The following GPD1L variants were observed in gnomAD, a reference collection of about 807,000 sequenced individuals.
The protein encoded by GPD1L is glycerol-3-phosphate dehydrogenase 1-like protein.
A neutral mutation model predicts 32.9 loss-of-function variants in GPD1L; 17 were observed. The observed-to-expected ratio is 0.52, with a 90% confidence interval of 0.35 to 0.78. The LOEUF (loss-of-function observed/expected upper bound fraction) is 0.78, where lower values mean the gene tolerates loss of function less well. Ranked by LOEUF, GPD1L falls within the 30% of genes least tolerant of loss-of-function variation. The pLI, the probability that GPD1L is intolerant of heterozygous loss-of-function variation, is 0.01. For synonymous variants in GPD1L, 187 were observed against 165.9 expected (o/e 1.13, Z -0.98); for missense variants, 361 against 447.8 (o/e 0.81, Z 1.75).
At chr3:32,126,379 C>G (rs1029386825) in intron 1 of GPD1L, among the ~76,000 whole-genome samples, 8 of 152,082 alleles carry the variant, frequency 5.3e-5, no homozygotes, top group African/African-American at 1.7e-4. Context: ...TATTTTTCCA[C>G]TTGGTTTACT....
At chr3:32,142,007 C>G (rs2125487356) in intron 4 of GPD1L, among the ~76,000 whole-genome samples, 1 of 152,150 alleles carries the variant, frequency 6.6e-6, no homozygotes, top group South Asian at 2.1e-4. Context: ...CATGGGTACC[C>G]AATGTTTAGC....
intron 5 of GPD1L, among the ~76,000 whole-genome samples, chr3:32,155,098 A>G (rs995752420): frequency 6.6e-6 from 1 of 152,114 alleles, no homozygotes; most frequent in Non-Finnish European, 1.5e-5. Flanking sequence ...TTGACAACCA[A>G]TTGCAAAGGG....
intron 5 of GPD1L, among the ~76,000 whole-genome samples, chr3:32,157,060 G>A (rs1701002881): frequency 6.6e-6 from 1 of 152,098 alleles, no homozygotes; most frequent in African/African-American, 2.4e-5. Context: ...CAGGAACCTA[G>A]GGGCTCAACT....
chr3:32,122,936 G>A (rs1202798137), intron 1 of GPD1L, among the ~76,000 whole-genome samples: 1 of 152,136 alleles, frequency 6.6e-6, no homozygotes, highest in Non-Finnish European at 1.5e-5. Context: ...ACAGGGTTGT[G>A]TGCCATTACC....
At position 32,117,138 on chromosome 3, in the gene GPD1L, A is replaced by G. The variant is rs185899285; in HGVS notation, c.47+10380A>G. Among the ~76,000 whole-genome samples, 863 of 152,282 alleles carry G rather than the reference A, an allele frequency of 5.7e-3. 9 individuals carry two copies. Among genetic ancestry groups the G allele is most frequent in the African/African-American group, 0.02 (823 of 41,546 alleles). ...GTGTCTTGAAGCCCTTTCCATATCT[A>G]TACATAAAGAACATCTTCATTCTTT... On this transcript the variant is annotated intron_variant, in intron 1 of 7. Transcript: ENST00000282541.
At chr3:32,140,043 G>A (rs577508819) in intron 3 of GPD1L, among the ~76,000 whole-genome samples, 185 bp from the exon 4 acceptor site, 6 of 152,270 alleles carry the variant, frequency 3.9e-5, no homozygotes, top group South Asian at 4.2e-4. Context: ...TTCTTAACAC[G>A]AGTGATGAGT....
In GPD1L at chr3:32,140,278, T is replaced by C. The variant is rs1700723734; in HGVS notation, c.417T>C (p.Arg139=). The C allele has an allele frequency of 1.2e-6, 2 of 1,613,484 alleles. No homozygotes were observed. Among genetic ancestry groups the C allele is most frequent in the Non-Finnish European group, 1.7e-6 (2 of 1,179,446 alleles). The part of the protein sequence containing the change: ...EGLKLISDII[R]EKMGIDISVL... ...TGAAGCTCATTTCTGACATCATCCG[T>C]GAGAAGATGGGTATTGACATCAGTG... The change falls in exon 4 of 8, where the codon CGT becomes CGC. Residue 139 remains arginine (R), a synonymous_variant. Transcript: ENST00000282541.
intron 6 of GPD1L, 54 bp downstream of exon 6, chr3:32,159,163 G>C: frequency 7.3e-7 from 1 of 1,364,880 alleles, no homozygotes; most frequent in Non-Finnish European, 1.0e-6. Flanking sequence ...GAGACTCCTG[G>C]CTTGGGGTGA....
chr3:32,121,655 ATTTC>A (rs1347650679), intron 1 of GPD1L, among the ~76,000 whole-genome samples: 14 of 129,542 alleles, frequency 1.1e-4, no homozygotes, highest in Non-Finnish European at 1.9e-4. Context: ...TAATATATAT[ATTTC>A]TATATATATT....
intron 5 of GPD1L, chr3:32,151,699 A>C (rs111553946): frequency 0.024 from 3,800 of 161,126 alleles, 147 homozygotes; most frequent in African/African-American, 0.086. Context: ...GTCTGATCTC[A>C]AACTCCTGGA....
chr3:32,146,763 T>A (rs1197522663), intron 5 of GPD1L, 29 bp downstream of exon 5: 1 of 1,261,938 alleles, frequency 7.9e-7, no homozygotes, highest in Non-Finnish European at 1.2e-6. Flanking sequence ...GAGGAGTTCA[T>A]CAAGCAAGGC....
Position 32,165,842 on chromosome 3 carries a change from A to T in GPD1L, c.988A>T (p.Ile330Phe). ...TCCATTGTTTACTGCAGTGTATCAG[A>T]TCTGCTACGAAAGCAGACCAGTTCA... Reference protein sequence around the residue: ...KFPLFTAVYQICYESRPVQEM... With the variant: ...KFPLFTAVYQFCYESRPVQEM... The change falls in exon 8 of 8, where the codon ATC becomes TTC. Residue 330 changes from isoleucine to phenylalanine, a missense_variant. Transcript: ENST00000282541. 5 of 1,606,136 alleles carry T rather than the reference A, an allele frequency of 3.1e-6. No homozygotes were observed. Among genetic ancestry groups the T allele is most frequent in the Non-Finnish European group, 4.3e-6 (5 of 1,172,742 alleles).
intron 4 of GPD1L, among the ~76,000 whole-genome samples, chr3:32,141,106 C>T (rs1035252275): frequency 2.0e-5 from 3 of 152,168 alleles, no homozygotes; most frequent in Non-Finnish European, 4.4e-5. Flanking sequence ...TACTTTCACC[C>T]TTATCAAACC....
Position 32,165,979 on chromosome 3 carries a change from C to G in GPD1L, c.*69C>G. On this transcript the variant is annotated 3_prime_UTR_variant, in exon 8 of 8. Coordinates refer to ENST00000282541, the MANE Select transcript of GPD1L (RefSeq NM_015141.4). ...CAATCTTTTGGGTTCACGTGGAAAC[C>G]AGGACTTGGCAACATGATGTTTGAC... 1.2e-6 allele frequency: 1 copy of G among 842,360 alleles called. No individual in the cohort carries two copies. The highest frequency in any genetic ancestry group is 1.7e-5 in the Admixed American group (1 of 57,462). The allele number at this position is 842,360 out of a possible 1,614,324, so 52.2% of individuals were successfully genotyped here. A position where few individuals can be genotyped will look rare whatever the true frequency, so the allele number is the denominator to read the frequency against.
intron 4 of GPD1L, among the ~76,000 whole-genome samples, chr3:32,145,056 T>C (rs528524281): frequency 7.9e-5 from 12 of 151,270 alleles, no homozygotes; most frequent in Non-Finnish European, 1.6e-4. Flanking sequence ...CGGTGGCTCA[T>C]GCCTTTAATC....
At chr3:32,163,771 AC>A (rs1398626514) in intron 7 of GPD1L, among the ~76,000 whole-genome samples, 2 of 152,214 alleles carry the variant, frequency 1.3e-5, no homozygotes, top group Non-Finnish European at 2.9e-5. Context: ...TCTCTTGTTA[AC>A]ATCCCTTCCA....
Position 32,159,687 on chromosome 3 carries a change from G to A in GPD1L, c.959+13G>A. The A allele has an allele frequency of 4.8e-6, 7 of 1,462,318 alleles. No individual in the cohort carries two copies. The highest frequency in any genetic ancestry group is 6.7e-6 in the Non-Finnish European group (7 of 1,041,672). The allele number at this position is 1,462,318 out of a possible 1,614,324, so 90.6% of individuals were successfully genotyped here. On this transcript the variant is annotated intron_variant, in intron 7 of 7. Transcript: ENST00000282541. The stretch of plus-strand genomic sequence containing the variant: ...GACTACTGGACAAGTAAGTCTCTCA[G>A]TCGCCCATGAGACCAGATAAATGTC...
chr3:32,166,125 G>T lies in GPD1L; in HGVS notation c.*215G>T. On this transcript the variant is annotated 3_prime_UTR_variant, in exon 8 of 8. Coordinates refer to ENST00000282541, the MANE Select transcript of GPD1L (RefSeq NM_015141.4). ...ACACACATGCAAACATGTGAATGGTGGTTTATTCCTCATTCTGTGGATGTT... is the reference window on the plus strand; with the variant it reads ...ACACACATGCAAACATGTGAATGGTTGTTTATTCCTCATTCTGTGGATGTT... The T allele has an allele frequency of 1.7e-6, 1 of 582,004 alleles. No individual in the cohort carries two copies. Among genetic ancestry groups the T allele is most frequent in the Non-Finnish European group, 3.1e-6 (1 of 324,470 alleles). 36.1% of individuals were successfully genotyped at this position (582,004 alleles called of 1,614,324 possible).
intron 5 of GPD1L, among the ~76,000 whole-genome samples, chr3:32,153,291 A>C (rs1403991775): frequency 6.6e-6 from 1 of 152,214 alleles, no homozygotes; most frequent in Admixed American, 6.5e-5. Flanking sequence ...CATGCTAGCC[A>C]CTAGACATAT....
Sources: gnomAD v4.1 joint callset for allele counts (sites outside exome capture counted in the v4.1 genomes callset) on GRCh38, gnomAD v4.1.1 for gene constraint, MANE v1.5 for transcripts, NCBI Gene and HGNC (gene_info 2026-07-23, HGNC 2026-07-21) for gene names.